Variants in RBM27 observed in about 807,000 individuals in gnomAD.
RBM27 encodes the protein RNA-binding protein 27.
Under a neutral mutation model 135.3 loss-of-function variants are expected in RBM27, and 22 were observed. That is an observed-to-expected ratio of 0.16 (90% CI 0.12 to 0.23). The LOEUF (loss-of-function observed/expected upper bound fraction) is 0.23. RBM27 is among the 10% of genes least tolerant of loss of function. The pLI, the probability that RBM27 is intolerant of heterozygous loss-of-function variation, is 1.00. For missense variants in RBM27, 1,009 were observed against 1,281.0 expected (o/e 0.79, Z 3.24); for synonymous variants, 481 against 442.4 (o/e 1.09, Z -1.10).
chr5:146,261,905 C>G (rs1449221708), intron 13 of RBM27, 99 bp downstream of exon 13: 2 of 1,251,182 alleles, frequency 1.6e-6, no homozygotes, highest in African/African-American at 3.0e-5. Context: ...AAGAGCTACT[C>G]TTAATTTGAA....
In RBM27 at chr5:146,248,463, G is replaced by T. The variant is rs553572023; in HGVS notation, c.1280-3248G>T. Among the ~76,000 whole-genome samples the T allele has an allele frequency of 1.9e-4, 29 of 152,070 alleles. 1 individual carries two copies. Among genetic ancestry groups the T allele is most frequent in the African/African-American group, 6.0e-4 (25 of 41,492 alleles). ...CATTTGGATTAATTGCCATCTTTTT[G>T]AGGTATTTGTTTTTTATTTTGAGGC... On this transcript the variant is annotated intron_variant, in intron 8 of 20. Transcript: ENST00000265271.
intron 11 of RBM27, among the ~76,000 whole-genome samples, chr5:146,260,239 C>T (rs1758332288): frequency 6.6e-6 from 1 of 151,434 alleles, no homozygotes; most frequent in Non-Finnish European, 1.5e-5. Flanking sequence ...GTGGAGGTTG[C>T]AGTGGGCCGA....
intron 8 of RBM27, 145 bp from the exon 9 acceptor site, chr5:146,251,566 A>G (rs1757886080): frequency 1.1e-5 from 8 of 741,676 alleles, no homozygotes; most frequent in South Asian, 8.0e-5. Flanking sequence ...TGAGTTAGAA[A>G]GAATCCCAGG....
At chr5:146,214,177 C>T (rs536735112) in intron 1 of RBM27, among the ~76,000 whole-genome samples, 1 of 152,276 alleles carries the variant, frequency 6.6e-6, no homozygotes, top group South Asian at 2.1e-4. Flanking sequence ...ATTTACAAAT[C>T]TATAGTAGAA....
intron 1 of RBM27, among the ~76,000 whole-genome samples, chr5:146,211,065 G>C (rs1755917373): frequency 2.0e-5 from 3 of 152,108 alleles, no homozygotes; most frequent in Admixed American, 1.3e-4. Context: ...TTGAGTCCAG[G>C]AGTTCGAGAC....
chr5:146,203,758 C>T lies in RBM27; in HGVS notation c.-8C>T, dbSNP rs1176635193. 2.6e-6 allele frequency: 4 copies of T among 1,550,678 alleles called. No homozygotes were observed. Among genetic ancestry groups the T allele is most frequent in the Non-Finnish European group, 2.6e-6 (3 of 1,146,574 alleles). On this transcript the variant is annotated 5_prime_UTR_variant, in exon 1 of 21. Transcript: ENST00000265271. ...AAGAGCGGCGGCCGAGCCCGCCTTC[C>T]CTGCACCATGCTCATAGAGGATGTG... is the stretch of plus-strand genomic sequence containing the variant.
At chr5:146,214,263 T>C (rs1756097042) in intron 1 of RBM27, among the ~76,000 whole-genome samples, 2 of 151,900 alleles carry the variant, frequency 1.3e-5, no homozygotes, top group Admixed American at 6.6e-5. Flanking sequence ...TCTAGAGACA[T>C]GTGTATTTTG....
At position 146,287,530 on chromosome 5, in the gene RBM27, T is replaced by C. The variant is rs919174224; in HGVS notation, c.*1500T>C. On this transcript the variant is annotated 3_prime_UTR_variant, in exon 21 of 21. Transcript: ENST00000265271. ...AAACCTCCTGTTGTCTCCAAAAGGG[T>C]CTTGGTGACCACTATATCAAGGATT... 1.2e-4 allele frequency: 18 copies of C among 152,110 alleles called. No individual in the cohort carries two copies. The highest frequency in any genetic ancestry group is 3.9e-4 in the African/African-American group (16 of 41,412). The allele number at this position is 152,110 out of a possible 1,614,324, so 9.4% of individuals were successfully genotyped here. A position where few individuals can be genotyped will look rare whatever the true frequency, so the allele number is the denominator to read the frequency against.
rs115763806 is a variant in RBM27 at position 146,253,601 on chromosome 5, C to T, written c.1445-1342C>T. 3.1e-3 allele frequency among the ~76,000 whole-genome samples: 473 copies of T among 152,092 alleles called. 4 individuals are homozygous for T. Among genetic ancestry groups the T allele is most frequent in the African/African-American group, 0.011 (457 of 41,494 alleles). On this transcript the variant is annotated intron_variant, in intron 9 of 20. Coordinates refer to ENST00000265271, the MANE Select transcript of RBM27 (RefSeq NM_018989.2). The stretch of plus-strand genomic sequence containing the variant: ...GGGGTGGGAGGAAGAGAAGGAATGC[C>T]AACCAGCAGTTCTAGTTCTTATATT...
At chr5:146,283,619 T>A (rs1759458261) in intron 19 of RBM27, among the ~76,000 whole-genome samples, 1 of 152,136 alleles carries the variant, frequency 6.6e-6, no homozygotes, top group African/African-American at 2.4e-5. Flanking sequence ...TGAGTCATAA[T>A]GTTTGGTGTT....
At chr5:146,256,809 C>T (rs1047674140) in intron 10 of RBM27, among the ~76,000 whole-genome samples, 1 of 152,076 alleles carries the variant, frequency 6.6e-6, no homozygotes, top group Admixed American at 6.6e-5. Context: ...GTGTATACAA[C>T]AAGATTTCTT....
chr5:146,220,502 A>G (rs538840577), intron 2 of RBM27, among the ~76,000 whole-genome samples: 2,818 of 147,002 alleles, frequency 0.019, 30 homozygotes, highest in Non-Finnish European at 0.033. Context: ...ATATATATAT[A>G]TATATATGTA....
intron 1 of RBM27, among the ~76,000 whole-genome samples, chr5:146,209,991 G>A (rs969929291): frequency 1.3e-5 from 2 of 152,170 alleles, no homozygotes; most frequent in Non-Finnish European, 2.9e-5. Flanking sequence ...TTTTAGCCCT[G>A]TGTTTCTTGC....
At chr5:146,283,473 G>A (rs908458435) in intron 19 of RBM27, among the ~76,000 whole-genome samples, 1 of 152,094 alleles carries the variant, frequency 6.6e-6, no homozygotes, top group Admixed American at 6.5e-5. Context: ...GGGAGTCGAG[G>A]CTGCAGTGAG....
At chr5:146,214,985 A>G (rs148470420) in intron 1 of RBM27, among the ~76,000 whole-genome samples, 4 of 152,344 alleles carry the variant, frequency 2.6e-5, no homozygotes, top group Non-Finnish European at 4.4e-5. Context: ...TTTCATCAGA[A>G]GCAGCCTAAC....
At position 146,284,634 on chromosome 5, in the gene RBM27, G is replaced by C; in HGVS notation, c.3001G>C (p.Gly1001Arg). ...LLQHFSTANQ[G>R]PKFKDRRLQI... ...ATATATATTTTAGACCGCAAACCAA[G>C]GGCCAAAATTTAAAGACCGTCGGCT... The change falls in exon 20 of 21, where the codon GGG (glycine) becomes CGG (arginine). Residue 1001 changes from glycine to arginine, a missense_variant. Coordinates refer to ENST00000265271, the MANE Select transcript of RBM27 (RefSeq NM_018989.2). 6.2e-7 allele frequency: 1 copy of C among 1,611,732 alleles called. No homozygotes were observed. The highest frequency in any genetic ancestry group is 8.5e-7 in the Non-Finnish European group (1 of 1,178,634).
intron 1 of RBM27, among the ~76,000 whole-genome samples, chr5:146,216,298 A>G (rs895789750): frequency 1.3e-5 from 2 of 152,158 alleles, no homozygotes; most frequent in African/African-American, 4.8e-5. Context: ...TTGGCCTCCC[A>G]CAGGTGTGAG....
chr5:146,234,861 C>T (rs1220547610), intron 7 of RBM27, among the ~76,000 whole-genome samples: 2 of 151,540 alleles, frequency 1.3e-5, no homozygotes, highest in South Asian at 2.1e-4. Flanking sequence ...TGGCGAAACC[C>T]CATCTCTAGA....
At chr5:146,251,913 C>T in intron 9 of RBM27, 38 bp downstream of exon 9, 2 of 1,596,544 alleles carry the variant, frequency 1.3e-6, no homozygotes, top group Non-Finnish European at 1.7e-6. Flanking sequence ...CCTCACTGAT[C>T]TTTTTTACCT....
Sources: allele counts gnomAD v4.1 joint callset (sites outside exome capture counted in the v4.1 genomes callset), GRCh38; gene constraint gnomAD v4.1.1; transcripts MANE v1.5; gene names NCBI Gene and HGNC (gene_info 2026-07-23, HGNC 2026-07-21).